Variants in RGMB observed in about 807,000 individuals in gnomAD.
The protein encoded by RGMB is repulsive guidance molecule BMP co-receptor b.
In RGMB, 16 loss-of-function variants were observed where a neutral mutation model predicts 26.9. That is an observed-to-expected ratio of 0.60 (90% CI 0.40 to 0.90). RGMB has a LOEUF of 0.90. RGMB is among the 40% of genes least tolerant of loss of function. The pLI, the probability that RGMB is intolerant of heterozygous loss-of-function variation, is 0.00. For synonymous variants in RGMB, 225 were observed against 229.3 expected, an observed-to-expected ratio of 0.98 and a Z score of 0.17; for missense variants, 512 against 573.3, an observed-to-expected ratio of 0.89 and a Z score of 1.09.
At chr5:98,775,201 C>T (rs1005036464) in intron 1 of RGMB, among the ~76,000 whole-genome samples, 1 of 152,176 alleles carries the variant, frequency 6.6e-6, no homozygotes, top group Non-Finnish European at 1.5e-5. Flanking sequence ...TGCCACCCAA[C>T]TGTGCGGAGT....
chr5:98,793,044 C>T (rs1746982664), intron 2 of RGMB, 41 bp from the exon 3 acceptor site: 2 of 1,506,384 alleles, frequency 1.3e-6, no homozygotes, highest in East Asian at 2.3e-5. Context: ...GTTCTGCTTC[C>T]TTCCCATTCT....
At chr5:98,785,234 G>T (rs1473109108) in intron 2 of RGMB, among the ~76,000 whole-genome samples, 1 of 152,156 alleles carries the variant, frequency 6.6e-6, no homozygotes, top group Non-Finnish European at 1.5e-5. Context: ...GTACTAAAGG[G>T]CCCACTGTGG....
chr5:98,784,722 G>A (rs748239933), intron 2 of RGMB, among the ~76,000 whole-genome samples: 8 of 152,180 alleles, frequency 5.3e-5, no homozygotes, highest in African/African-American at 1.2e-4. Context: ...CTAAGTTTTT[G>A]CAACCCATTA....
At chr5:98,784,895 G>A (rs1425849908) in intron 2 of RGMB, among the ~76,000 whole-genome samples, 1 of 152,054 alleles carries the variant, frequency 6.6e-6, no homozygotes, top group African/African-American at 2.4e-5. Flanking sequence ...GGTATTTGTG[G>A]GGGAAAAATA....
Position 98,773,861 on chromosome 5 carries a change from C to A in RGMB, c.-210C>A. 1 of 493,420 alleles carries A rather than the reference C, an allele frequency of 2.0e-6. No individual in the cohort carries two copies. 30.6% of individuals were successfully genotyped at this position (493,420 alleles called of 1,614,324 possible). On this transcript the variant is annotated 5_prime_UTR_variant, in exon 1 of 3. Transcript: ENST00000513185. ...GCCTCCGGCCGCCACGATGCCCCTG[C>A]GCCCCGCTGCTGCCGCCGCGGACTG...
intron 2 of RGMB, among the ~76,000 whole-genome samples, chr5:98,784,507 C>T (rs1464940195): frequency 6.6e-6 from 1 of 152,220 alleles, no homozygotes; most frequent in African/African-American, 2.4e-5. Flanking sequence ...GGTCTGCTTT[C>T]TGGTGCCCCT....
intron 2 of RGMB, among the ~76,000 whole-genome samples, chr5:98,785,263 C>T (rs1207726337): frequency 6.6e-6 from 1 of 152,212 alleles, no homozygotes; most frequent in Non-Finnish European, 1.5e-5. Context: ...GAGGTGAATG[C>T]AGCCTTTGCC....
chr5:98,780,177 G>A (rs1017188719), intron 2 of RGMB, 89 bp downstream of exon 2: 5 of 1,243,138 alleles, frequency 4.0e-6, no homozygotes, highest in Non-Finnish European at 5.5e-6. Context: ...GCTATAAAGG[G>A]CCTAGTTTAA....
intron 2 of RGMB, among the ~76,000 whole-genome samples, chr5:98,781,641 G>T (rs1746610772): frequency 6.6e-6 from 1 of 152,176 alleles, no homozygotes; most frequent in Non-Finnish European, 1.5e-5. Flanking sequence ...AATAATTGAG[G>T]ACTTGGCAGA....
chr5:98,770,682 A>C (rs1320787206), upstream of RGMB: 3 of 1,451,852 alleles, frequency 2.1e-6, no homozygotes, highest in Non-Finnish European at 2.7e-6. Context: ...ATGTAAGTAC[A>C]GGCACTTGAT....
In RGMB at chr5:98,773,984, G is replaced by T; in HGVS notation, c.-87G>T. On this transcript the variant is annotated 5_prime_UTR_variant, in exon 1 of 3. Transcript: ENST00000513185. ...GAAGAGGAAGCGAAGCGCGCCCCCC[G>T]GCCCATGCCGCAGCCACGGGCCCAG... is the stretch of plus-strand genomic sequence containing the variant. 1.6e-6 allele frequency: 1 copy of T among 630,562 alleles called. No homozygotes were observed. Among genetic ancestry groups the T allele is most frequent in the South Asian group, 1.7e-5 (1 of 58,384 alleles). 39.1% of individuals were successfully genotyped at this position (630,562 alleles called of 1,614,324 possible).
At chr5:98,791,464 G>A (rs1746926345) in intron 2 of RGMB, among the ~76,000 whole-genome samples, 1 of 152,108 alleles carries the variant, frequency 6.6e-6, no homozygotes, top group Non-Finnish European at 1.5e-5. Flanking sequence ...ACTTGAGGGT[G>A]GTGGTGAGGA....
At chr5:98,772,382 T>C (rs140653080), upstream of RGMB, among the ~76,000 whole-genome samples, 1,588 of 152,366 alleles carry the variant, frequency 0.01, 16 homozygotes, top group Middle Eastern at 0.024. Context: ...TCAATTATCC[T>C]AGTCCATTGA....
chr5:98,783,171 CTT>C (rs1746662292), intron 2 of RGMB, among the ~76,000 whole-genome samples: 1 of 152,194 alleles, frequency 6.6e-6, no homozygotes, highest in Admixed American at 6.5e-5. Context: ...GCCTCCCTCT[CTT>C]TGGAGGAACC....
chr5:98,773,982 C>T lies in RGMB; in HGVS notation c.-89C>T, dbSNP rs1017758915. On this transcript the variant is annotated 5_prime_UTR_variant, in exon 1 of 3. Coordinates refer to ENST00000513185, the MANE Select transcript of RGMB (RefSeq NM_001366508.1). ...AAGAAGAGGAAGCGAAGCGCGCCCC[C>T]CGGCCCATGCCGCAGCCACGGGCCC... is the stretch of plus-strand genomic sequence containing the variant. 4.8e-6 allele frequency: 3 copies of T among 630,006 alleles called. No homozygotes were observed. In the Admixed American group the frequency reaches 8.1e-5, roughly 17 times the overall value. The allele number at this position is 630,006 out of a possible 1,614,324, so 39.0% of individuals were successfully genotyped here.
At chr5:98,780,160 G>A (rs779964375) in intron 2 of RGMB, 72 bp downstream of exon 2, 1 of 1,424,756 alleles carries the variant, frequency 7.0e-7, no homozygotes, top group South Asian at 1.3e-5. Context: ...GATAACTTTT[G>A]AAATGTGCTA....
chr5:98,792,549 C>T (rs764554053), intron 2 of RGMB, among the ~76,000 whole-genome samples: 3 of 151,822 alleles, frequency 2.0e-5, no homozygotes, highest in Admixed American at 6.6e-5. Context: ...GCCTGGGCAA[C>T]GTAGTGAGGA....
chr5:98,791,493 G>C (rs1041447104), intron 2 of RGMB, among the ~76,000 whole-genome samples: 2 of 152,116 alleles, frequency 1.3e-5, no homozygotes, highest in African/African-American at 4.8e-5. Context: ...GGGCAGGCGG[G>C]GGGAGGGGGG....
chr5:98,774,462 C>T (rs181475754), intron 1 of RGMB, among the ~76,000 whole-genome samples: 4 of 152,208 alleles, frequency 2.6e-5, no homozygotes, highest in African/African-American at 4.8e-5. Context: ...GACAAATCTC[C>T]CCTCCGACAG....
Sources: allele counts gnomAD v4.1 joint callset (sites outside exome capture counted in the v4.1 genomes callset), GRCh38; gene constraint gnomAD v4.1.1; transcripts MANE v1.5; gene names NCBI Gene and HGNC (gene_info 2026-07-23, HGNC 2026-07-21).